MLLT6: variants seen among roughly 807,000 people sequenced by gnomAD.
The protein encoded by MLLT6 is protein AF-17.
A neutral mutation model predicts 103.0 loss-of-function variants in MLLT6; 22 were observed. The observed-to-expected ratio is 0.21, with a 90% confidence interval of 0.15 to 0.31. The LOEUF is 0.31. Among genes scored for constraint, MLLT6 ranks in the 10% least tolerant of loss-of-function variants. The probability of loss-of-function intolerance (pLI) is 1.00; values close to 1 mark genes in which losing one functional copy is unlikely to be tolerated. For missense variants in MLLT6, 1,199 were observed against 1,441.7 expected, an observed-to-expected ratio of 0.83 and a Z score of 2.73; for synonymous variants, 606 against 623.5, an observed-to-expected ratio of 0.97 and a Z score of 0.42.
intron 1 of MLLT6, 40 bp downstream of exon 1, chr17:38,705,781 G>A (rs1300854664): frequency 1.9e-6 from 2 of 1,035,242 alleles, no homozygotes; most frequent in South Asian, 4.0e-5. Context: ...GACCCCGGGG[G>A]CGGCGTGCGC....
intron 6 of MLLT6, among the ~76,000 whole-genome samples, chr17:38,710,224 A>G (rs1414321404): frequency 1.3e-5 from 2 of 152,102 alleles, no homozygotes; most frequent in Non-Finnish European, 2.9e-5. Context: ...GAGGCAGGAG[A>G]TGAAGTGAGA....
chr17:38,719,153 G>A, intron 12 of MLLT6: 2 of 346,294 alleles, frequency 5.8e-6, no homozygotes, highest in Non-Finnish European at 5.3e-6. Context: ...CGGAGAGGCT[G>A]GTTAGGAGCC....
intron 14 of MLLT6, 46 bp from the exon 15 acceptor site, chr17:38,720,326 C>T: frequency 1.7e-6 from 2 of 1,147,684 alleles, no homozygotes; most frequent in Non-Finnish European, 2.5e-6. Flanking sequence ...CCTGGCCCCG[C>T]CTCCGCCCCC....
rs776313205 is a variant in MLLT6 at position 38,720,697 on chromosome 17, C to T, written c.2392C>T (p.Pro798Ser). ...CTCCTTGAGCACCAGCAAGAGCCCT[C>T]CGGGAAAGAGCAGCCTCGGCCTGGA... ...SDSLSTSKSP[P>S]GKSSLGLDNS... is the part of the protein sequence containing the mutation. Residue 798 changes from proline to serine, a missense_variant, in exon 16 of 20, where the codon CCG becomes TCG. Physicochemically the swap from Pro to Ser is moderately conservative, Grantham distance 74. This residue lies in a region of MLLT6 where 1,034 missense variants were observed against 1,091.5 expected (regional missense o/e 0.95). Transcript: ENST00000621332. 7 of 1,613,904 alleles carry T rather than the reference C, an allele frequency of 4.3e-6. No homozygotes were observed. The highest frequency in any genetic ancestry group is 2.2e-5 in the South Asian group (2 of 91,086).
chr17:38,705,976 G>A (rs1904898768), intron 1 of MLLT6: 2 of 221,196 alleles, frequency 9.0e-6, no homozygotes, highest in East Asian at 1.0e-4. Context: ...GAGGGAGTTT[G>A]GGGAGAGTCT....
In MLLT6 at chr17:38,722,652, CCCCCCA is replaced by C; in HGVS notation, c.2793-20_2793-15del. ...TCCCCCATGGTCTGTGTGTTGTCCC[CCCCCCA>C]CCCCCCACCCCCACCTCAGCCTTAC... On this transcript the variant is annotated intron_variant, in intron 17 of 19. Transcript: ENST00000621332. The C allele has an allele frequency of 4.4e-6, 2 of 452,632 alleles. No homozygotes were observed. Among genetic ancestry groups the C allele is most frequent in the Non-Finnish European group, 8.2e-6 (2 of 242,514 alleles). The allele number at this position is 452,632 out of a possible 1,614,324, so 28.0% of individuals were successfully genotyped here. A position where few individuals can be genotyped will look rare whatever the true frequency, so the allele number is the denominator to read the frequency against.
chr17:38,706,818 C>T, intron 1 of MLLT6, 132 bp from the exon 2 acceptor site: 1 of 664,234 alleles, frequency 1.5e-6, no homozygotes, highest in Non-Finnish European at 2.6e-6. Flanking sequence ...AGTGAGTGAC[C>T]CGTAGACTGG....
At position 38,720,746 on chromosome 17, in the gene MLLT6, A is replaced by T; in HGVS notation, c.2441A>T (p.Glu814Val). 2.5e-6 allele frequency: 4 copies of T among 1,613,566 alleles called. No individual in the cohort carries two copies. The highest frequency in any genetic ancestry group is 3.4e-6 in the Non-Finnish European group (4 of 1,179,894). The change falls in exon 16 of 20, where the codon GAG becomes GTG. Residue 814 changes from glutamate (E) to valine (V), a missense_variant and splice_region_variant. By Grantham distance (121) the Glu-to-Val change is moderately radical (BLOSUM62 -2). This residue lies in a region of MLLT6 where 1,034 missense variants were observed against 1,091.5 expected (regional missense o/e 0.95). Coordinates refer to ENST00000621332, the MANE Select transcript of MLLT6 (RefSeq NM_005937.4). ...GLDNSLSTSS[E>V]DPHSGCPSRS... is the part of the protein sequence containing the mutation. ...GACAACTCGCTGTCCACTTCTTCTG[A>T]GGTGGGCGCTACGAGGAGTGGGGCA...
chr17:38,725,396 G>C, intron 19 of MLLT6, 161 bp from the exon 20 acceptor site: 1 of 645,750 alleles, frequency 1.5e-6, no homozygotes, highest in Non-Finnish European at 2.7e-6. Context: ...ACACCCCTGC[G>C]CATCGGCCCT....
rs1235160309 is a variant in MLLT6, at chr17:38,724,019, A to G, written c.2884-601A>G. On this transcript the variant is annotated intron_variant, in intron 18 of 19. Transcript: ENST00000621332. This position sits in a 1 kb window ranked among gnomAD's most constrained non-coding sequence, Gnocchi z 5.4. ...CAGCCTCCCAAAGTGCTGGGATTATAGGCGTGAGCCACCGTGTCCGGCGAA... is the reference window on the plus strand; with the variant it reads ...CAGCCTCCCAAAGTGCTGGGATTATGGGCGTGAGCCACCGTGTCCGGCGAA... 2.0e-5 allele frequency among the ~76,000 whole-genome samples: 3 copies of G among 152,162 alleles called. No individual in the cohort carries two copies. The highest frequency in any genetic ancestry group is 2.0e-4 in the Admixed American group (3 of 15,286).
rs750955288 is a variant in MLLT6, at chr17:38,717,943, C to G, written c.1932C>G (p.Ser644Arg). The change falls in exon 12 of 20, where the codon AGC (serine) becomes AGG (arginine). Residue 644 changes from serine (S) to arginine (R), a missense_variant. By Grantham distance (110) the Ser-to-Arg change is moderately radical (BLOSUM62 -1). Around this residue, in one of 7 missense-constraint regions of MLLT6, gnomAD observed 1,034 missense variants for 1,091.5 expected, o/e 0.95. Coordinates refer to ENST00000621332, the MANE Select transcript of MLLT6 (RefSeq NM_005937.4). ...AVNPLLSQAE[S>R]SHTEPDLEDC... ...ATCCCCTCCTCTCCCAAGCTGAGAG[C>G]AGCCACACAGGTATGTGAATATCTG... The G allele has an allele frequency of 6.2e-7, 1 of 1,605,204 alleles. No homozygotes were observed. Among genetic ancestry groups the G allele is most frequent in the East Asian group, 2.2e-5 (1 of 44,828 alleles).
chr17:38,716,106 C>T lies in MLLT6; in HGVS notation c.1037-261C>T. ...CAAGGTACAATTTTTCAAGAACCCC[C>T]ATTAACATTTTCTCCTATAATCGCT... On this transcript the variant is annotated intron_variant, in intron 9 of 19. Coordinates refer to ENST00000621332, the MANE Select transcript of MLLT6 (RefSeq NM_005937.4). This position sits in a 1 kb window ranked among gnomAD's most constrained non-coding sequence, Gnocchi z 5.6. The T allele has an allele frequency of 5.0e-6, 3 of 598,732 alleles. No individual in the cohort carries two copies. The highest frequency in any genetic ancestry group is 2.8e-5 in the East Asian group (1 of 35,714). The allele number at this position is 598,732 out of a possible 1,614,324, so 37.1% of individuals were successfully genotyped here.
chr17:38,711,744 C>T, intron 6 of MLLT6, 103 bp from the exon 7 acceptor site: 1 of 1,379,616 alleles, frequency 7.2e-7, no homozygotes, highest in Non-Finnish European at 9.6e-7. Context: ...ACAGACGGGG[C>T]ACATGGGGCT....
At position 38,717,441 on chromosome 17, in the gene MLLT6, C is replaced by T; in HGVS notation, c.1661C>T (p.Thr554Ile). ...ESPLLGAGIYTSNKDPISHSG... is the reference protein window; with the variant it reads ...ESPLLGAGIYISNKDPISHSG... ...GTCCTTGTGCCTGCAGGCATCTACA[C>T]CAGTAATAAGGACCCCATCTCCCAC... Residue 554 changes from threonine (T) to isoleucine (I), a missense_variant, in exon 11 of 20, where the codon ACC (threonine) becomes ATC (isoleucine). Transcript: ENST00000621332. 1.2e-6 allele frequency: 2 copies of T among 1,603,806 alleles called. No individual in the cohort carries two copies. The highest frequency in any genetic ancestry group is 1.7e-6 in the Non-Finnish European group (2 of 1,174,324).
In MLLT6 at chr17:38,711,825, TTCTCTCAAA is replaced by T; in HGVS notation, c.553-15_553-7del. ...AGCCCGTGAGAAGAGGGTTTGCAAT[TTCTCTCAAA>T]TCTCTCCCGCAGAAGACATCCCGGC... On this transcript the variant is annotated splice_polypyrimidine_tract_variant and intron_variant, in intron 6 of 19. Coordinates refer to ENST00000621332, the MANE Select transcript of MLLT6 (RefSeq NM_005937.4). The T allele has an allele frequency of 6.7e-7, 1 of 1,498,956 alleles. No homozygotes were observed. The highest frequency in any genetic ancestry group is 1.3e-5 in the South Asian group (1 of 75,052). 92.9% of individuals were successfully genotyped at this position (1,498,956 alleles called of 1,614,324 possible). A position where few individuals can be genotyped will look rare whatever the true frequency, so the allele number is the denominator to read the frequency against.
At position 38,717,389 on chromosome 17, in the gene MLLT6, G is replaced by C. The variant is rs1018074120; in HGVS notation, c.1652-43G>C. 7.4e-6 allele frequency: 11 copies of C among 1,492,792 alleles called. No individual in the cohort carries two copies. In the Admixed American group the frequency reaches 2.1e-4, roughly 29 times the overall value. The allele number at this position is 1,492,792 out of a possible 1,614,324, so 92.5% of individuals were successfully genotyped here. A position where few individuals can be genotyped will look rare whatever the true frequency, so the allele number is the denominator to read the frequency against. On this transcript the variant is annotated intron_variant, in intron 10 of 19. Coordinates refer to ENST00000621332, the MANE Select transcript of MLLT6 (RefSeq NM_005937.4). ...CCACCTGGCTGAGCAGGAGTCTGGG[G>C]TGGAGAGTAACCACGTGCTTCCCTC...
intron 3 of MLLT6, 68 bp from the exon 4 acceptor site, chr17:38,707,695 G>A (rs902868656): frequency 1.3e-5 from 16 of 1,225,096 alleles, no homozygotes; most frequent in Admixed American, 7.1e-5. Flanking sequence ...AGTCTGCAGC[G>A]TGGGGTCATA....
intron 11 of MLLT6, 106 bp from the exon 12 acceptor site, chr17:38,717,739 T>C: frequency 7.4e-7 from 1 of 1,359,488 alleles, no homozygotes; most frequent in Non-Finnish European, 1.0e-6. Context: ...CTCCGGGCTC[T>C]GGACCCCTCT....
chr17:38,712,403 T>G (rs1905173677), intron 7 of MLLT6, among the ~76,000 whole-genome samples: 1 of 152,146 alleles, frequency 6.6e-6, no homozygotes, highest in African/African-American at 2.4e-5. Flanking sequence ...GTGTCCCAGG[T>G]GGACACCCTT....
Sources: allele counts gnomAD v4.1 joint callset (sites outside exome capture counted in the v4.1 genomes callset), GRCh38; gene constraint gnomAD v4.1.1; regional missense constraint gnomAD v4.1.1; non-coding constraint Gnocchi (gnomAD v3.1); transcripts MANE v1.5; gene names NCBI Gene and HGNC (gene_info 2026-07-23, HGNC 2026-07-21).